The following DOCK11 variants were observed in gnomAD, a reference collection of about 807,000 sequenced individuals.
DOCK11 encodes the protein dedicator of cytokinesis protein 11.
Under a neutral mutation model 169.1 loss-of-function variants are expected in DOCK11, and 70 were observed. The observed-to-expected ratio is 0.41, with a 90% CI of 0.34 to 0.51. The LOEUF (loss-of-function observed/expected upper bound fraction) is 0.51, where lower values mean the gene tolerates loss of function less well. Ranked by LOEUF, DOCK11 falls within the 20% of genes least tolerant of loss-of-function variation. DOCK11 has a pLI of 0.10. For missense variants in DOCK11, 1,166 were observed against 1,538.8 expected (o/e 0.76, Z 4.05); for synonymous variants, 529 against 541.3 (o/e 0.98, Z 0.32).
Position 118,564,097 on chromosome X carries a change from C to G in DOCK11, c.694-1908C>G, listed in dbSNP as rs760581675. On this transcript the variant is annotated intron_variant, in intron 7 of 52. Coordinates refer to ENST00000276202, the MANE Select transcript of DOCK11 (RefSeq NM_144658.4). ...TTTGCCGGGAATCCTTGGCTGTCTCCTGTCTCTGTCAGAGATGGGGTTTCT... is the reference window on the plus strand; with the variant it reads ...TTTGCCGGGAATCCTTGGCTGTCTCGTGTCTCTGTCAGAGATGGGGTTTCT... Among the ~76,000 whole-genome samples, 6 of 111,833 alleles carry G rather than the reference C, an allele frequency of 5.4e-5. No individual in the cohort carries two copies. In the South Asian group the frequency reaches 1.1e-3, roughly 21 times the overall value.
At position 118,681,685 on chromosome X, in the gene DOCK11, G is replaced by A. The variant is rs746518480; in HGVS notation, c.5863-9G>A. 2.7e-6 allele frequency: 3 copies of A among 1,126,496 alleles called. No homozygotes were observed. Among genetic ancestry groups the A allele is most frequent in the Non-Finnish European group, 3.5e-6 (3 of 848,643 alleles). The allele number at this position is 1,126,496 out of a possible 1,213,427, so 92.8% of individuals were successfully genotyped here. On this transcript the variant is annotated splice_polypyrimidine_tract_variant and intron_variant, in intron 50 of 52. Transcript: ENST00000276202. ...GAAACACTCTCATTTTTCTTCTATT[G>A]TGATATAGGTCAATGCTGGTCCATT... is the stretch of plus-strand genomic sequence containing the variant.
At chrX:118,561,710 C>T (rs766268950) in intron 7 of DOCK11, among the ~76,000 whole-genome samples, 193 bp downstream of exon 7, 1 of 109,712 alleles carries the variant, frequency 9.1e-6, no homozygotes, top group Admixed American at 9.8e-5. Context: ...CAAAAAAATA[C>T]AAAAATTACC....
chrX:118,549,995 C>CATA (rs1201853753), intron 6 of DOCK11, among the ~76,000 whole-genome samples: 5 of 111,930 alleles, frequency 4.5e-5, no homozygotes, highest in Non-Finnish European at 9.4e-5. Context: ...TATGAATCTC[C>CATA]ATTTTGAATT....
chrX:118,540,048 T>C (rs2011914171), intron 1 of DOCK11, among the ~76,000 whole-genome samples: 1 of 17,184 alleles, frequency 5.8e-5, no homozygotes, highest in Non-Finnish European at 9.1e-5. Flanking sequence ...CAAAACTCCA[T>C]CTCAAAAAAA....
At chrX:118,500,547 C>T (rs1161054301) in intron 1 of DOCK11, among the ~76,000 whole-genome samples, 3 of 111,138 alleles carry the variant, frequency 2.7e-5, no homozygotes, top group Admixed American at 9.6e-5. Context: ...TAGATGTATA[C>T]ATATCTATAC....
At chrX:118,685,468 A>T in intron 52 of DOCK11, 1 of 332,748 alleles carries the variant, frequency 3.0e-6, no homozygotes, top group South Asian at 9.6e-5. Flanking sequence ...GTTTTTCTTA[A>T]TGAGTAACTA....
chrX:118,581,289 ATGTAT>A (rs751905258), intron 14 of DOCK11, among the ~76,000 whole-genome samples: 19 of 111,682 alleles, frequency 1.7e-4, no homozygotes, highest in South Asian at 3.8e-4. Context: ...AGGTCTCAAA[ATGTAT>A]TGTATGTTGG....
intron 48 of DOCK11, among the ~76,000 whole-genome samples, chrX:118,677,286 G>A (rs764569017): frequency 3.6e-5 from 4 of 112,176 alleles, no homozygotes; most frequent in Non-Finnish European, 7.5e-5. Context: ...CTTGAGCCTT[G>A]CTCTAAAGGT....
intron 20 of DOCK11, among the ~76,000 whole-genome samples, chrX:118,594,777 T>C (rs182952175): frequency 7.4e-4 from 82 of 111,509 alleles, no homozygotes; most frequent in African/African-American, 2.4e-3. Flanking sequence ...GACGAGTGGC[T>C]GAGAATCAGA....
intron 14 of DOCK11, among the ~76,000 whole-genome samples, chrX:118,583,267 G>A (rs776213409): frequency 6.3e-5 from 7 of 110,255 alleles, no homozygotes; most frequent in East Asian, 5.7e-4. Context: ...ATCACACACC[G>A]GAGCCTTTCG....
At chrX:118,623,881 G>A (rs899408723) in intron 31 of DOCK11, among the ~76,000 whole-genome samples, 2 of 112,523 alleles carry the variant, frequency 1.8e-5, no homozygotes, top group Admixed American at 9.4e-5. Context: ...CATATCTGGC[G>A]AGGAATGTCT....
intron 1 of DOCK11, among the ~76,000 whole-genome samples, chrX:118,525,607 A>G (rs1346434856): frequency 2.7e-5 from 3 of 111,731 alleles, no homozygotes; most frequent in African/African-American, 6.5e-5. Context: ...GGTAATGATG[A>G]TGATTGCAGA....
intron 31 of DOCK11, among the ~76,000 whole-genome samples, chrX:118,624,190 C>A (rs2015041847): frequency 1.8e-5 from 2 of 113,040 alleles, no homozygotes; most frequent in African/African-American, 3.2e-5. Flanking sequence ...GTGAACAAGA[C>A]AGACACTGTC....
intron 10 of DOCK11, among the ~76,000 whole-genome samples, chrX:118,570,659 G>T (rs895540731): frequency 5.4e-5 from 6 of 111,901 alleles, no homozygotes; most frequent in Non-Finnish European, 1.1e-4. Flanking sequence ...GAATTACTTA[G>T]GTAATTGAGA....
chrX:118,516,059 ATTCT>A (rs1446931056), intron 1 of DOCK11, among the ~76,000 whole-genome samples: 2 of 72,940 alleles, frequency 2.7e-5, no homozygotes, highest in African/African-American at 5.8e-5. Context: ...TTAAAATGAC[ATTCT>A]TTCTTTCTTT....
At chrX:118,586,840 T>C (rs768534147) in intron 16 of DOCK11, among the ~76,000 whole-genome samples, 2 of 111,682 alleles carry the variant, frequency 1.8e-5, no homozygotes, top group Admixed American at 1.9e-4. Flanking sequence ...ACAGTGGAGA[T>C]AGGAGATAAA....
chrX:118,571,352 C>CTT (rs377665685), intron 10 of DOCK11, among the ~76,000 whole-genome samples: 13 of 102,900 alleles, frequency 1.3e-4, no homozygotes, highest in African/African-American at 3.9e-4. Context: ...CTGTGTTAAT[C>CTT]TTTTTTTTTT....
chrX:118,637,323 T>C lies in DOCK11; in HGVS notation c.3954-757T>C, dbSNP rs779619980. Among the ~76,000 whole-genome samples the C allele has an allele frequency of 1.9e-4, 21 of 111,578 alleles. No homozygotes were observed. The East Asian group carries it at 5.9e-3, about 31-fold the overall frequency. On this transcript the variant is annotated intron_variant, in intron 36 of 52. Coordinates refer to ENST00000276202, the MANE Select transcript of DOCK11 (RefSeq NM_144658.4). Reference sequence around the variant, plus strand: ...TTGTTGAATCTGGGGGATGATTGGGTATGTAGGAGTTAACTATGGTACTCT... The same window carrying C: ...TTGTTGAATCTGGGGGATGATTGGGCATGTAGGAGTTAACTATGGTACTCT...
At position 118,654,961 on chromosome X, in the gene DOCK11, A is replaced by G; in HGVS notation, c.4969A>G (p.Lys1657Glu). The G allele has an allele frequency of 8.3e-7, 1 of 1,205,107 alleles. No individual in the cohort carries two copies. ...ALVAEFLHRK[K>E]LFPNGCSAFK... The stretch of plus-strand genomic sequence containing the variant: ...AGTTGCAGAGTTTCTTCATCGAAAA[A>G]GTAAGATATTTCTGTTTTTAGAGAT... Residue 1657 changes from lysine (K) to glutamate (E), a missense_variant and splice_region_variant, in exon 44 of 53, where the codon AAA (lysine) becomes GAA (glutamate). Coordinates refer to ENST00000276202, the MANE Select transcript of DOCK11 (RefSeq NM_144658.4).
Sources: gnomAD v4.1 joint callset for allele counts (sites outside exome capture counted in the v4.1 genomes callset) on GRCh38, gnomAD v4.1.1 for gene constraint, MANE v1.5 for transcripts, NCBI Gene and HGNC (gene_info 2026-07-23, HGNC 2026-07-21) for gene names.